The following LPA variants were observed in gnomAD, a reference collection of about 807,000 sequenced individuals.
LPA encodes the protein lipoprotein(a).
In LPA, 199 loss-of-function variants were observed where a neutral mutation model predicts 197.9. The ratio of observed to expected loss-of-function variants is 1.01; its 90% CI spans 0.90 to 1.13. LPA has a LOEUF of 1.13. Among genes scored for constraint, LPA ranks in the 50% most tolerant of loss-of-function variants. The pLI, the probability that LPA is intolerant of heterozygous loss-of-function variation, is 0.00. For missense variants in LPA, 1,853 were observed against 1,785.8 expected, an observed-to-expected ratio of 1.04 and a Z score of -0.68; for synonymous variants, 715 against 639.5, an observed-to-expected ratio of 1.12 and a Z score of -1.78.
intron 26 of LPA, among the ~76,000 whole-genome samples, chr6:160,584,133 C>T (rs1298482394): frequency 6.6e-6 from 1 of 151,948 alleles, no homozygotes; most frequent in Non-Finnish European, 1.5e-5. Flanking sequence ...TTCATACAGG[C>T]TAGTACTCAT....
At chr6:160,556,730 G>A (rs1309608542) in intron 29 of LPA, among the ~76,000 whole-genome samples, 1 of 152,088 alleles carries the variant, frequency 6.6e-6, no homozygotes, top group Admixed American at 6.6e-5. Flanking sequence ...AGTAGAGACA[G>A]GGAATCCTCT....
Position 160,635,284 on chromosome 6 carries a change from C to G in LPA, c.914G>C (p.Cys305Ser), listed in dbSNP as rs1290318836. The change falls in exon 7 of 39, where the codon TGC becomes TCC. Residue 305 changes from cysteine (C) to serine (S), a missense_variant. This residue lies in a region of LPA where 28 missense variants were observed against 198.4 expected (regional missense o/e 0.14). Transcript: ENST00000316300. ...AGCTGCCACAGCATCTGGATTCCTG[C>G]AGTAGTTCATGATCAAGCCACTGGA... is the stretch of plus-strand genomic sequence containing the variant. ...YPNAGLIMNY[C>S]RNPDAVAAPY... is the part of the protein sequence containing the mutation. 2 of 1,211,034 alleles carry G rather than the reference C, an allele frequency of 1.7e-6. No homozygotes were observed. The highest frequency in any genetic ancestry group is 4.1e-5 in the African/African-American group (2 of 48,282). The allele number at this position is 1,211,034 out of a possible 1,614,324, so 75.0% of individuals were successfully genotyped here. A position where few individuals can be genotyped will look rare whatever the true frequency, so the allele number is the denominator to read the frequency against.
At chr6:160,574,021 G>A (rs1356319397) in intron 28 of LPA, among the ~76,000 whole-genome samples, 1 of 152,142 alleles carries the variant, frequency 6.6e-6, no homozygotes. Context: ...ATCAGTTGGG[G>A]GTGGGACTAG....
At chr6:160,571,932 C>A (rs991322266) in intron 28 of LPA, among the ~76,000 whole-genome samples, 7 of 152,164 alleles carry the variant, frequency 4.6e-5, no homozygotes, top group Admixed American at 2.0e-4. Flanking sequence ...TGAAAAAAAA[C>A]TCCTGCAGCT....
In LPA at chr6:160,557,434, G is replaced by A. The variant is rs1156447787; in HGVS notation, c.4769C>T (p.Pro1590Leu). ...CATGCTTGGAACTGGAACAACAGTG[G>A]GAGTCTCTAGGACACCTGATTCTGT... is the stretch of plus-strand genomic sequence containing the variant. ...SETESGVLET[P>L]TVVPVPSMEA... The change falls in exon 29 of 39, where the codon CCC becomes CTC. Residue 1590 changes from proline (P) to leucine (L), a missense_variant. By Grantham distance (98) the Pro-to-Leu change is moderately conservative. Coordinates refer to ENST00000316300, the MANE Select transcript of LPA (RefSeq NM_005577.4). The A allele has an allele frequency of 1.2e-6, 2 of 1,614,080 alleles. No individual in the cohort carries two copies. Among genetic ancestry groups the A allele is most frequent in the Non-Finnish European group, 1.7e-6 (2 of 1,180,016 alleles).
chr6:160,595,507 G>A lies in LPA; in HGVS notation c.3316C>T (p.Pro1106Ser), dbSNP rs771609508. The A allele has an allele frequency of 2.5e-6, 4 of 1,613,996 alleles. No individual in the cohort carries two copies. The South Asian group carries it at 4.4e-5, about 18-fold the overall frequency. ...AGLTRNYCRN[P>S]DAEIRPWCYT... ...CACCAAGGGCGAATCTCAGCATCTG[G>A]ATTCCTGCAGTAGTTCCTGGTCAGG... Residue 1106 changes from proline (P) to serine (S), a missense_variant, in exon 21 of 39, where the codon CCA becomes TCA. Physicochemically the swap from Pro to Ser is moderately conservative, Grantham distance 74 (BLOSUM62 -1). Around this residue, in one of 3 missense-constraint regions of LPA, gnomAD observed 1,737 missense variants for 1,504.4 expected, o/e 1.15. Transcript: ENST00000316300.
In LPA at chr6:160,589,611, A is replaced by G. The variant is rs981155235; in HGVS notation, c.3889T>C (p.Ser1297Pro). The G allele has an allele frequency of 3.7e-6, 6 of 1,613,942 alleles. No homozygotes were observed. Among genetic ancestry groups the G allele is most frequent in the Admixed American group, 3.3e-5 (2 of 60,016 alleles). Residue 1297 changes from serine to proline, a missense_variant, in exon 24 of 39, where the codon TCT (serine) becomes CCT (proline). By Grantham distance (74) the Ser-to-Pro change is moderately conservative. Coordinates refer to ENST00000316300, the MANE Select transcript of LPA (RefSeq NM_005577.4). Reference protein sequence around the residue: ...STTVTGRTCQSWSSMTPHWHQ... With the variant: ...STTVTGRTCQPWSSMTPHWHQ... ...CAGTGTGGTGTCATAGAGGACCAAG[A>G]CTGACATGTCCTTCCTGTAACAGTG...
At chr6:160,580,777 G>C (rs1434963045) in intron 26 of LPA, among the ~76,000 whole-genome samples, 1 of 152,178 alleles carries the variant, frequency 6.6e-6, no homozygotes, top group African/African-American at 2.4e-5. Flanking sequence ...TGATTAGTGA[G>C]TGGGAGAAAT....
Position 160,610,157 on chromosome 6 carries a change from C to T in LPA, c.2603+1405G>A, listed in dbSNP as rs1283408707. Among the ~76,000 whole-genome samples, 5 of 152,038 alleles carry T rather than the reference C, an allele frequency of 3.3e-5. No homozygotes were observed. In the South Asian group the frequency reaches 6.2e-4, roughly 19 times the overall value. ...ATTTATTTTCTGGTCATGGATCACA[C>T]GAAATTCTTTTCTACACGTAGTCAA... On this transcript the variant is annotated intron_variant, in intron 16 of 38. Transcript: ENST00000316300.
At chr6:160,611,004 G>C (rs185421391) in intron 16 of LPA, among the ~76,000 whole-genome samples, 4 of 152,092 alleles carry the variant, frequency 2.6e-5, no homozygotes, top group Admixed American at 6.5e-5. Context: ...TCTCTGTGCT[G>C]ACTCTCATCT....
At chr6:160,591,613 C>G (rs182877550) in intron 22 of LPA, among the ~76,000 whole-genome samples, 23 of 152,284 alleles carry the variant, frequency 1.5e-4, no homozygotes, top group African/African-American at 5.3e-4. Flanking sequence ...TTCTTGATAT[C>G]TTCTTGTCAG....
chr6:160,660,192 G>A (rs1001876993), intron 1 of LPA, among the ~76,000 whole-genome samples: 4 of 121,432 alleles, frequency 3.3e-5, no homozygotes, highest in East Asian at 2.0e-4. Flanking sequence ...AACTGCAACC[G>A]TGTATCTCTT....
chr6:160,563,512 G>C (rs1778396907), intron 28 of LPA, among the ~76,000 whole-genome samples: 1 of 152,182 alleles, frequency 6.6e-6, no homozygotes, highest in Non-Finnish European at 1.5e-5. Flanking sequence ...TAGAATAAGT[G>C]CAATGTGGTG....
intron 22 of LPA, 82 bp from the exon 23 acceptor site, chr6:160,591,183 C>A (rs1272923769): frequency 1.3e-6 from 2 of 1,561,326 alleles, no homozygotes; most frequent in African/African-American, 1.4e-5. Context: ...TTTGTTGTAA[C>A]AAAGTGGTAA....
At chr6:160,594,162 A>G in intron 21 of LPA, 45 bp from the exon 22 acceptor site, 1 of 1,610,172 alleles carries the variant, frequency 6.2e-7, no homozygotes, top group Non-Finnish European at 8.5e-7. Flanking sequence ...TTTCTAGAAC[A>G]CAGAAGCATC....
Position 160,554,138 on chromosome 6 carries a change from C to T in LPA, c.4973+1887G>A, listed in dbSNP as rs527991003. On this transcript the variant is annotated intron_variant, in intron 30 of 38. Transcript: ENST00000316300. ...TCCATTTGGTTGTTTTACGCATTTG[C>T]TTTTTTTTATATTCTGCATTTGTTT... Among the ~76,000 whole-genome samples, 9 of 151,726 alleles carry T rather than the reference C, an allele frequency of 5.9e-5. No individual in the cohort carries two copies. The East Asian group carries it at 1.5e-3, about 26-fold the overall frequency.
At chr6:160,562,052 C>A (rs967111109) in intron 28 of LPA, among the ~76,000 whole-genome samples, 1 of 151,438 alleles carries the variant, frequency 6.6e-6, no homozygotes, top group Non-Finnish European at 1.5e-5. Context: ...CACTTGAATA[C>A]CTTTATTTCT....
At chr6:160,605,950 C>T in intron 17 of LPA, among the ~76,000 whole-genome samples, 1 of 152,172 alleles carries the variant, frequency 6.6e-6, no homozygotes, top group Admixed American at 6.5e-5. Context: ...CCACCTATGA[C>T]TGAGGAAGTC....
In LPA at chr6:160,540,083, C is replaced by A; in HGVS notation, c.5695G>T (p.Glu1899Ter). The A allele has an allele frequency of 6.2e-7, 1 of 1,614,068 alleles. No homozygotes were observed. Among genetic ancestry groups the A allele is most frequent in the Non-Finnish European group, 8.5e-7 (1 of 1,180,016 alleles). Residue 1899 changes from glutamate (E) to a stop codon, truncating the protein, a stop_gained, in exon 36 of 39, where the codon GAG (glutamate) becomes TAG (stop). Transcript: ENST00000316300. LOFTEE classifies it high-confidence loss of function. ...AAGGCAATATCTGCTTGTGTGGGCT[C>A]CAAGAACAGCCTAGACACTTCTATT... Reference protein sequence around the residue: ...QEIEVSRLFLEPTQADIALLK... With the variant: ...QEIEVSRLFL
Sources: allele counts gnomAD v4.1 joint callset (sites outside exome capture counted in the v4.1 genomes callset), GRCh38; gene constraint gnomAD v4.1.1; regional missense constraint gnomAD v4.1.1; transcripts MANE v1.5; gene names NCBI Gene and HGNC (gene_info 2026-07-23, HGNC 2026-07-21).